ERC2: variants seen among roughly 807,000 people sequenced by gnomAD.
ERC2 encodes the protein ERC protein 2.
ERC2 carries 42 observed loss-of-function variants against 114.8 expected under a neutral mutation model. The observed-to-expected ratio is 0.37, with a 90% CI of 0.29 to 0.47. The LOEUF is 0.47. Among genes scored for constraint, ERC2 ranks in the 20% least tolerant of loss-of-function variants. The pLI, the probability that ERC2 is intolerant of heterozygous loss-of-function variation, is 0.99. For missense variants in ERC2, 939 were observed against 1,150.7 expected (o/e 0.82, Z 2.66); for synonymous variants, 454 against 425.5 (o/e 1.07, Z -0.82).
chr3:56,187,681 C>T (rs2150060904), intron 3 of ERC2, among the ~76,000 whole-genome samples: 1 of 152,170 alleles, frequency 6.6e-6, no homozygotes, highest in African/African-American at 2.4e-5. Context: ...GTCAGAAATA[C>T]GTAAATCAAC....
At chr3:55,820,741 A>G (rs1293684682) in intron 14 of ERC2, among the ~76,000 whole-genome samples, 1 of 152,206 alleles carries the variant, frequency 6.6e-6, no homozygotes, top group Admixed American at 6.5e-5. Flanking sequence ...AAAATGTTCA[A>G]ACAAGAAGAT....
chr3:55,875,223 C>T (rs935770415), intron 14 of ERC2, among the ~76,000 whole-genome samples: 1 of 152,286 alleles, frequency 6.6e-6, no homozygotes, highest in Non-Finnish European at 1.5e-5. Context: ...AGAGGCAGAG[C>T]CAGGAAGAGA....
chr3:55,977,865 A>C (rs2069716341), intron 12 of ERC2, among the ~76,000 whole-genome samples: 1 of 152,206 alleles, frequency 6.6e-6, no homozygotes, highest in South Asian at 2.1e-4. Flanking sequence ...TAGTATGCAG[A>C]GGTGAAAAAG....
rs567797738 is a variant in ERC2, at chr3:55,929,844, T to C, written c.2403+20581A>G. 9.8e-4 allele frequency among the ~76,000 whole-genome samples: 149 copies of C among 152,338 alleles called. 1 individual carries two copies. Among genetic ancestry groups the C allele is most frequent in the South Asian group, 4.1e-3 (20 of 4,828 alleles). On this transcript the variant is annotated intron_variant, in intron 13 of 17. Transcript: ENST00000288221. ...TATAAGAAGACATGCCTGCGTTCCC[T>C]TCCCCTTCTGCCATGATTGAAGATT...
At chr3:55,521,740 T>TG (rs1427197638) in intron 17 of ERC2, among the ~76,000 whole-genome samples, 62 of 152,082 alleles carry the variant, frequency 4.1e-4, no homozygotes, top group African/African-American at 1.5e-3. Context: ...TAAGACATGG[T>TG]GGGGGAGAAG....
intron 17 of ERC2, among the ~76,000 whole-genome samples, chr3:55,525,705 C>T (rs2053267387): frequency 6.6e-6 from 1 of 151,416 alleles, no homozygotes; most frequent in South Asian, 2.1e-4. Flanking sequence ...AAGGCCAGGC[C>T]ACGTGGGACT....
chr3:55,962,189 A>G (rs755053197), intron 12 of ERC2, among the ~76,000 whole-genome samples: 3 of 152,260 alleles, frequency 2.0e-5, no homozygotes, highest in Non-Finnish European at 4.4e-5. Context: ...TATTCAACAG[A>G]TGATTTTTAA....
intron 9 of ERC2, among the ~76,000 whole-genome samples, chr3:56,007,573 C>T (rs978254452): frequency 1.3e-5 from 2 of 152,074 alleles, no homozygotes; most frequent in African/African-American, 4.8e-5. Flanking sequence ...GCATGTTTCA[C>T]GTCTCAAAGT....
chr3:55,630,066 G>A (rs536533339), intron 17 of ERC2, among the ~76,000 whole-genome samples: 62 of 152,318 alleles, frequency 4.1e-4, no homozygotes, highest in Admixed American at 7.8e-4. Context: ...CAGACTGGGG[G>A]AGCCCTTGTG....
chr3:56,131,569 A>G (rs943952264), intron 6 of ERC2, among the ~76,000 whole-genome samples: 1 of 152,220 alleles, frequency 6.6e-6, no homozygotes, highest in African/African-American at 2.4e-5. Context: ...TTTAAATATT[A>G]TCCTTTGAAG....
At chr3:55,952,053 C>G (rs1437351451) in intron 12 of ERC2, among the ~76,000 whole-genome samples, 4 of 150,184 alleles carry the variant, frequency 2.7e-5, no homozygotes, top group Admixed American at 1.3e-4. Context: ...GTAGTCCCAG[C>G]TACTCGGAAG....
At chr3:56,386,926 C>G (rs1301205426) in intron 2 of ERC2, among the ~76,000 whole-genome samples, 1 of 152,180 alleles carries the variant, frequency 6.6e-6, no homozygotes, top group Non-Finnish European at 1.5e-5. Flanking sequence ...GTGGTTGCAA[C>G]AGGGCCTGAA....
At chr3:55,946,738 G>T (rs1025695377) in intron 13 of ERC2, among the ~76,000 whole-genome samples, 2 of 152,056 alleles carry the variant, frequency 1.3e-5, no homozygotes, top group Non-Finnish European at 2.9e-5. Flanking sequence ...CAACTCCACG[G>T]TTCTGCATCC....
At chr3:55,543,861 C>T (rs889453967) in intron 17 of ERC2, among the ~76,000 whole-genome samples, 5 of 152,316 alleles carry the variant, frequency 3.3e-5, no homozygotes, top group East Asian at 1.9e-4. Context: ...CACTCTCTCT[C>T]GAAGCCTTAC....
chr3:55,562,354 TG>T lies in ERC2; in HGVS notation c.*40-51079del, dbSNP rs374610887. ...TTTTAGTAGAGACGGGGTTTCACCATGTTGGCCAGGCTGGTCTCAAACCCCT... is the reference window on the plus strand; with the variant it reads ...TTTTAGTAGAGACGGGGTTTCACCATTTGGCCAGGCTGGTCTCAAACCCCT... On this transcript the variant is annotated intron_variant, in intron 17 of 17. Transcript: ENST00000288221. 8.1e-4 allele frequency among the ~76,000 whole-genome samples: 124 copies of T among 152,218 alleles called. 1 individual carries two copies. Among genetic ancestry groups the T allele is most frequent in the Middle Eastern group, 3.4e-3 (1 of 294 alleles).
At chr3:56,460,830 C>T (rs2063277690) in intron 1 of ERC2, among the ~76,000 whole-genome samples, 1 of 152,032 alleles carries the variant, frequency 6.6e-6, no homozygotes, top group Non-Finnish European at 1.5e-5. Flanking sequence ...CTTGAAAAAG[C>T]AACATGGCGG....
At chr3:56,143,683 A>G (rs1241732439) in intron 5 of ERC2, among the ~76,000 whole-genome samples, 1 of 152,210 alleles carries the variant, frequency 6.6e-6, no homozygotes, top group Non-Finnish European at 1.5e-5. Flanking sequence ...TAGCAGCATG[A>G]GAACAGACTA....
chr3:55,806,979 A>C (rs1462100679), intron 14 of ERC2, among the ~76,000 whole-genome samples: 2 of 152,226 alleles, frequency 1.3e-5, no homozygotes, highest in Non-Finnish European at 2.9e-5. Context: ...CATAAAAGCA[A>C]TCAATGATAC....
intron 14 of ERC2, among the ~76,000 whole-genome samples, chr3:55,814,526 A>G (rs1374522983): frequency 2.0e-5 from 3 of 152,224 alleles, no homozygotes; most frequent in African/African-American, 4.8e-5. Context: ...TTCTGTTCAA[A>G]TAGGGCTTAT....
Sources: allele counts gnomAD v4.1 joint callset (sites outside exome capture counted in the v4.1 genomes callset), GRCh38; gene constraint gnomAD v4.1.1; transcripts MANE v1.5; gene names NCBI Gene and HGNC (gene_info 2026-07-23, HGNC 2026-07-21).